DPP6: variants seen among roughly 807,000 people sequenced by gnomAD.
DPP6 encodes the protein dipeptidyl peptidase like 6.
In DPP6, 69 loss-of-function variants were observed where a neutral mutation model predicts 122.6. That is an observed-to-expected ratio of 0.56 (90% CI 0.46 to 0.69). The LOEUF is 0.69. Ranked by LOEUF, DPP6 falls within the 30% of genes least tolerant of loss-of-function variation. The pLI is 0.00. For missense variants in DPP6, 928 were observed against 1,116.9 expected (o/e 0.83, Z 2.41); for synonymous variants, 418 against 433.1 (o/e 0.97, Z 0.43).
chr7:154,810,606 C>G (rs1424619581), intron 16 of DPP6, among the ~76,000 whole-genome samples: 1 of 152,166 alleles, frequency 6.6e-6, no homozygotes, highest in African/African-American at 2.4e-5. Context: ...TAGTTGATAC[C>G]TGGGAGGAAA....
chr7:154,019,469 C>CGAGG (rs1270635360), intron 1 of DPP6, among the ~76,000 whole-genome samples: 1 of 151,424 alleles, frequency 6.6e-6, no homozygotes, highest in African/African-American at 2.4e-5. Context: ...CTCCCTTCCT[C>CGAGG]CCTCCCTATC....
chr7:153,960,044 A>C (rs1195914878), intron 1 of DPP6, among the ~76,000 whole-genome samples: 1 of 152,196 alleles, frequency 6.6e-6, no homozygotes, highest in Non-Finnish European at 1.5e-5. Context: ...CTTTTTGAAA[A>C]GAGTAAAAAA....
intron 1 of DPP6, among the ~76,000 whole-genome samples, chr7:154,168,200 C>G (rs1356396634): frequency 1.3e-5 from 2 of 152,150 alleles, no homozygotes; most frequent in Admixed American, 6.5e-5. Flanking sequence ...GACCATGACA[C>G]CTTAGAAGCC....
intron 1 of DPP6, among the ~76,000 whole-genome samples, chr7:154,321,958 G>C (rs750249284): frequency 3.3e-5 from 5 of 152,022 alleles, no homozygotes; most frequent in Non-Finnish European, 7.4e-5. Flanking sequence ...CGCCAGCGAA[G>C]GGCAGCAGCT....
the DPP6 span, among the ~76,000 whole-genome samples, chr7:153,781,750 A>G: frequency 6.6e-6 from 1 of 152,012 alleles, no homozygotes; most frequent in Admixed American, 6.6e-5. Context: ...AACCACTCCT[A>G]TGAACTTGCC....
At chr7:153,770,195 C>T in the DPP6 span, among the ~76,000 whole-genome samples, 1 of 152,080 alleles carries the variant, frequency 6.6e-6, no homozygotes, top group East Asian at 1.9e-4. Flanking sequence ...AAAGCTGTCA[C>T]CCTCAGGCCG....
intron 1 of DPP6, among the ~76,000 whole-genome samples, chr7:154,393,412 A>AT (rs1394322971): frequency 2.6e-5 from 4 of 152,222 alleles, no homozygotes; most frequent in African/African-American, 9.6e-5. Context: ...TTCTTTAAGC[A>AT]TAAGTTACTC....
intron 1 of DPP6, among the ~76,000 whole-genome samples, chr7:154,284,576 T>A (rs1804729132): frequency 6.6e-6 from 1 of 152,216 alleles, no homozygotes; most frequent in African/African-American, 2.4e-5. Context: ...TGCCAGAGAC[T>A]GGGCGCGTTG....
At chr7:154,691,032 AG>A (rs2131216235) in intron 7 of DPP6, among the ~76,000 whole-genome samples, 1 of 152,208 alleles carries the variant, frequency 6.6e-6, no homozygotes, top group Non-Finnish European at 1.5e-5. Flanking sequence ...CAGGCGGAAA[AG>A]GTTTCCCTCT....
chr7:154,010,499 C>CT (rs1798110348), intron 1 of DPP6, among the ~76,000 whole-genome samples: 1 of 152,212 alleles, frequency 6.6e-6, no homozygotes, highest in Non-Finnish European at 1.5e-5. Context: ...GCTTCAAATG[C>CT]TTTCTCATGA....
In DPP6 at chr7:154,549,079, A is replaced by G. The variant is rs564748180; in HGVS notation, c.552+8453A>G. On this transcript the variant is annotated intron_variant, in intron 4 of 25. Coordinates refer to ENST00000377770, the MANE Select transcript of DPP6 (RefSeq NM_130797.4). ...GGAGAGAGGTCTTCAGGAAGCTTCC[A>G]TTGTGTGTAGTCTTTAGTCTGTAGC... Among the ~76,000 whole-genome samples the G allele has an allele frequency of 9.8e-5, 15 of 152,304 alleles. No homozygotes were observed. The East Asian group carries it at 2.5e-3, about 26-fold the overall frequency.
At chr7:154,701,930 T>C (rs545432087) in intron 7 of DPP6, among the ~76,000 whole-genome samples, 20 of 152,352 alleles carry the variant, frequency 1.3e-4, no homozygotes, top group African/African-American at 2.6e-4. Flanking sequence ...TTTGCACATA[T>C]TGGGTTTTTT....
the DPP6 span, among the ~76,000 whole-genome samples, chr7:153,881,202 G>A: frequency 6.6e-6 from 1 of 152,226 alleles, no homozygotes; most frequent in African/African-American, 2.4e-5. Context: ...AGAAGAACAT[G>A]CAGGCATAGG....
intron 1 of DPP6, among the ~76,000 whole-genome samples, chr7:154,036,276 A>G (rs1236453524): frequency 8.0e-6 from 1 of 124,488 alleles, no homozygotes; most frequent in African/African-American, 3.2e-5. Flanking sequence ...ACGCCTGGCT[A>G]ATATTTATAT....
At chr7:154,006,127 C>T (rs896646317) in intron 1 of DPP6, among the ~76,000 whole-genome samples, 2 of 152,110 alleles carry the variant, frequency 1.3e-5, no homozygotes, top group African/African-American at 4.8e-5. Context: ...CTGACAGGTA[C>T]AGTTATGGGG....
At chr7:154,165,879 G>A (rs1409876614) in intron 1 of DPP6, among the ~76,000 whole-genome samples, 2 of 152,132 alleles carry the variant, frequency 1.3e-5, no homozygotes, top group South Asian at 2.1e-4. Flanking sequence ...GAGGAGACTC[G>A]AACTTCTAAA....
At chr7:154,299,987 A>G (rs895891460) in intron 1 of DPP6, among the ~76,000 whole-genome samples, 1 of 152,236 alleles carries the variant, frequency 6.6e-6, no homozygotes, top group African/African-American at 2.4e-5. Flanking sequence ...AGAATGGCTA[A>G]GGCTAGATTG....
At chr7:154,279,616 C>T (rs566539319) in intron 1 of DPP6, among the ~76,000 whole-genome samples, 26 of 152,286 alleles carry the variant, frequency 1.7e-4, no homozygotes, top group African/African-American at 5.3e-4. Context: ...ATTACGTTCA[C>T]GTTGCAAAGT....
intron 1 of DPP6, among the ~76,000 whole-genome samples, chr7:154,147,228 C>G (rs1015251452): frequency 1.3e-5 from 2 of 152,138 alleles, no homozygotes; most frequent in African/African-American, 4.8e-5. Flanking sequence ...AGAAGGGTCT[C>G]CATGGTTCTC....
Sources: allele counts gnomAD v4.1 joint callset (sites outside exome capture counted in the v4.1 genomes callset), GRCh38; gene constraint gnomAD v4.1.1; transcripts MANE v1.5; gene names NCBI Gene and HGNC (gene_info 2026-07-23, HGNC 2026-07-21).